FOXN3: variants seen among roughly 807,000 people sequenced by gnomAD.
FOXN3 encodes the protein forkhead box protein N3.
FOXN3 carries 7 observed loss-of-function variants against 38.4 expected under a neutral mutation model. The ratio of observed to expected loss-of-function variants is 0.18; its 90% CI spans 0.10 to 0.34. The LOEUF is 0.34. Among genes scored for constraint, FOXN3 ranks in the 10% least tolerant of loss-of-function variants. The pLI is 1.00. For missense variants in FOXN3, 456 were observed against 613.4 expected (o/e 0.74, Z 2.71); for synonymous variants, 230 against 242.2 (o/e 0.95, Z 0.47).
At chr14:89,182,593 T>C (rs1413030710) in intron 4 of FOXN3, among the ~76,000 whole-genome samples, 1 of 152,238 alleles carries the variant, frequency 6.6e-6, no homozygotes, top group Non-Finnish European at 1.5e-5. Context: ...ACTTACCAAG[T>C]ATCTTTAAAT....
At chr14:89,318,071 C>G (rs1034243622) in intron 3 of FOXN3, among the ~76,000 whole-genome samples, 7 of 151,752 alleles carry the variant, frequency 4.6e-5, no homozygotes, top group African/African-American at 7.3e-5. Context: ...CTTATATCCC[C>G]CAACTAGCCA....
intron 3 of FOXN3, among the ~76,000 whole-genome samples, chr14:89,321,574 C>T (rs1362815831): frequency 6.6e-6 from 1 of 152,004 alleles, no homozygotes; most frequent in African/African-American, 2.4e-5. Context: ...GAGATTCTGT[C>T]TCAAAAAAAT....
chr14:89,184,518 G>A (rs1887754100), intron 4 of FOXN3, among the ~76,000 whole-genome samples: 1 of 152,328 alleles, frequency 6.6e-6, no homozygotes, highest in East Asian at 1.9e-4. Context: ...GTTCCTACTG[G>A]AGACCACGTT....
chr14:89,213,937 A>C lies in FOXN3; in HGVS notation c.746-33131T>G, dbSNP rs147837644. ...TAACAAAGATAATATTACCATGTACATTGTTGACAGATGGGTCTTTACTCA... is the reference window on the plus strand; with the variant it reads ...TAACAAAGATAATATTACCATGTACCTTGTTGACAGATGGGTCTTTACTCA... On this transcript the variant is annotated intron_variant, in intron 4 of 5. Coordinates refer to ENST00000557258, the MANE Select transcript of FOXN3 (RefSeq NM_005197.4). Among the ~76,000 whole-genome samples, 581 of 152,364 alleles carry C rather than the reference A, an allele frequency of 3.8e-3. 3 individuals carry two copies. The highest frequency in any genetic ancestry group is 0.013 in the African/African-American group (529 of 41,584).
intron 3 of FOXN3, among the ~76,000 whole-genome samples, chr14:89,332,211 CAG>C (rs1566958758): frequency 6.6e-6 from 1 of 152,126 alleles, no homozygotes; most frequent in Non-Finnish European, 1.5e-5. Context: ...TTGAACAGCG[CAG>C]AGAGGGGCAG....
At chr14:89,261,346 G>A (rs1435191156) in intron 4 of FOXN3, among the ~76,000 whole-genome samples, 5 of 152,176 alleles carry the variant, frequency 3.3e-5, no homozygotes, top group Non-Finnish European at 5.9e-5. Flanking sequence ...AAAGACACAC[G>A]TGCTGCTAGC....
intron 1 of FOXN3, among the ~76,000 whole-genome samples, chr14:89,505,180 T>C (rs57798331): frequency 0.017 from 2,602 of 152,248 alleles, 76 homozygotes; most frequent in African/African-American, 0.059. Flanking sequence ...GTTGTTATTG[T>C]TGTTGTATAG....
intron 2 of FOXN3, among the ~76,000 whole-genome samples, chr14:89,360,673 T>C (rs1051058652): frequency 2.0e-5 from 3 of 151,412 alleles, no homozygotes; most frequent in Admixed American, 1.3e-4. Context: ...GGTTCCCCCA[T>C]GTTTCCACAA....
At chr14:89,456,397 C>T (rs1194542864) in intron 1 of FOXN3, among the ~76,000 whole-genome samples, 2 of 152,158 alleles carry the variant, frequency 1.3e-5, no homozygotes, top group African/African-American at 4.8e-5. Context: ...TACCCCATGG[C>T]ATCTCCAGCA....
At chr14:89,555,767 GA>G (rs2139870060) in intron 1 of FOXN3, among the ~76,000 whole-genome samples, 1 of 151,748 alleles carries the variant, frequency 6.6e-6, no homozygotes, top group South Asian at 2.1e-4. Context: ...ATGGTTAGGA[GA>G]TTTGACCAAA....
intron 4 of FOXN3, among the ~76,000 whole-genome samples, chr14:89,191,627 T>TA (rs1273469045): frequency 6.6e-6 from 1 of 152,040 alleles, no homozygotes. Context: ...TTTTAATGTT[T>TA]AAAAAAGTAC....
chr14:89,471,622 G>C (rs112126873), intron 1 of FOXN3, among the ~76,000 whole-genome samples: 8 of 152,238 alleles, frequency 5.3e-5, no homozygotes, highest in African/African-American at 1.9e-4. Context: ...TGCTTCAGTT[G>C]AGCTAGGTCT....
intron 3 of FOXN3, among the ~76,000 whole-genome samples, chr14:89,286,323 T>C (rs893056041): frequency 1.3e-5 from 2 of 152,048 alleles, no homozygotes; most frequent in African/African-American, 2.4e-5. Context: ...ATGTCCCCCA[T>C]GGTCAGCTTT....
Position 89,278,180 on chromosome 14 carries a change from A to G in FOXN3, c.745+2770T>C, listed in dbSNP as rs140070504. The stretch of plus-strand genomic sequence containing the variant: ...AGTTCCACGTGGCTGGAGAGGCCTC[A>G]CAATCATGGTGGAAGACAAAAGATA... On this transcript the variant is annotated intron_variant, in intron 4 of 5. Coordinates refer to ENST00000557258, the MANE Select transcript of FOXN3 (RefSeq NM_005197.4). Among the ~76,000 whole-genome samples the G allele has an allele frequency of 7.1e-3, 1,083 of 152,304 alleles. 12 individuals are homozygous for G. The highest frequency in any genetic ancestry group is 0.02 in the Middle Eastern group (6 of 294).
At chr14:89,508,095 C>A (rs1027384604) in intron 1 of FOXN3, among the ~76,000 whole-genome samples, 1 of 152,178 alleles carries the variant, frequency 6.6e-6, no homozygotes, top group African/African-American at 2.4e-5. Context: ...CCAATCCTAG[C>A]ATAAACCAGT....
At chr14:89,494,767 G>A (rs1312059497) in intron 1 of FOXN3, among the ~76,000 whole-genome samples, 1 of 152,166 alleles carries the variant, frequency 6.6e-6, no homozygotes, top group Admixed American at 6.5e-5. Flanking sequence ...GTTTTAATTA[G>A]GCAAAAGCAT....
intron 1 of FOXN3, among the ~76,000 whole-genome samples, chr14:89,561,503 C>T (rs993355746): frequency 4.6e-5 from 7 of 152,224 alleles, no homozygotes; most frequent in South Asian, 2.1e-4. Context: ...TGAGCCACCA[C>T]GCTTGACGGG....
At chr14:89,603,455 G>C (rs1896200501) in intron 1 of FOXN3, among the ~76,000 whole-genome samples, 1 of 152,176 alleles carries the variant, frequency 6.6e-6, no homozygotes, top group Non-Finnish European at 1.5e-5. Flanking sequence ...CCTGCAGAAG[G>C]AAGTGGTAAC....
chr14:89,533,620 C>T (rs371170279), intron 1 of FOXN3, among the ~76,000 whole-genome samples: 2 of 134,618 alleles, frequency 1.5e-5, no homozygotes, highest in South Asian at 2.3e-4. Context: ...GGAGATCGCA[C>T]CACTGCACTC....
Sources: gnomAD v4.1 joint callset for allele counts (sites outside exome capture counted in the v4.1 genomes callset) on GRCh38, gnomAD v4.1.1 for gene constraint, MANE v1.5 for transcripts, NCBI Gene and HGNC (gene_info 2026-07-23, HGNC 2026-07-21) for gene names.